RNF220: variants seen among roughly 807,000 people sequenced by gnomAD.
The protein encoded by RNF220 is ring finger protein 220, also known as E3 ubiquitin-protein ligase RNF220.
Under a neutral mutation model 67.1 loss-of-function variants are expected in RNF220, and 7 were observed. That is an observed-to-expected ratio of 0.10 (90% CI 0.06 to 0.20). RNF220 has a LOEUF of 0.20. Ranked by LOEUF, RNF220 falls within the 10% of genes least tolerant of loss-of-function variation. RNF220 has a pLI of 1.00. For missense variants in RNF220, 565 were observed against 740.3 expected, an observed-to-expected ratio of 0.76 and a Z score of 2.75; for synonymous variants, 270 against 283.2, an observed-to-expected ratio of 0.95 and a Z score of 0.47.
intron 2 of RNF220, among the ~76,000 whole-genome samples, chr1:44,451,199 A>AC (rs1379037399): frequency 6.6e-6 from 1 of 152,156 alleles, no homozygotes; most frequent in East Asian, 1.9e-4. Flanking sequence ...AAAAAGAAAA[A>AC]AAAAAAAAAG....
At chr1:44,431,957 T>C (rs1356030842) in intron 2 of RNF220, among the ~76,000 whole-genome samples, 1 of 152,234 alleles carries the variant, frequency 6.6e-6, no homozygotes, top group Non-Finnish European at 1.5e-5. Flanking sequence ...AAGGGAGATC[T>C]CTGGGTCCTG....
intron 2 of RNF220, among the ~76,000 whole-genome samples, chr1:44,571,079 A>AG (rs1558054160): frequency 6.6e-6 from 1 of 151,710 alleles, no homozygotes; most frequent in African/African-American, 2.4e-5. Context: ...ATCTGAAGAA[A>AG]AAAAAAAAAG....
At chr1:44,637,191 C>T (rs1418840885) in intron 8 of RNF220, among the ~76,000 whole-genome samples, 2 of 152,220 alleles carry the variant, frequency 1.3e-5, no homozygotes, top group Non-Finnish European at 2.9e-5. Flanking sequence ...GGAGTGGTCT[C>T]TGCAGGGCCG....
chr1:44,551,591 A>G (rs1473843143), intron 2 of RNF220, among the ~76,000 whole-genome samples: 1 of 152,154 alleles, frequency 6.6e-6, no homozygotes, highest in African/African-American at 2.4e-5. Context: ...CCAATTCACA[A>G]TCTCATCATC....
chr1:44,531,171 T>G (rs1270793145), intron 2 of RNF220, among the ~76,000 whole-genome samples: 1 of 152,144 alleles, frequency 6.6e-6, no homozygotes, highest in Non-Finnish European at 1.5e-5. Context: ...TCTTTGTAGA[T>G]TCCTCCCTTG....
chr1:44,471,562 G>A (rs1654810085), intron 2 of RNF220, among the ~76,000 whole-genome samples: 2 of 151,986 alleles, frequency 1.3e-5, no homozygotes, highest in South Asian at 4.1e-4. Context: ...AGTGGCTCAT[G>A]CCTGTAATCC....
intron 2 of RNF220, among the ~76,000 whole-genome samples, chr1:44,590,039 G>A (rs1000393918): frequency 6.6e-6 from 1 of 152,210 alleles, no homozygotes. Context: ...AGCCAGATAT[G>A]GGGATGGACA....
chr1:44,493,403 A>G (rs1261756326), intron 2 of RNF220, among the ~76,000 whole-genome samples: 1 of 151,936 alleles, frequency 6.6e-6, no homozygotes, highest in Non-Finnish European at 1.5e-5. Context: ...AATCCCAGCT[A>G]CTCGGGAGGT....
intron 2 of RNF220, among the ~76,000 whole-genome samples, chr1:44,503,500 C>G (rs776684669): frequency 1.3e-5 from 2 of 152,236 alleles, no homozygotes; most frequent in South Asian, 4.1e-4. Context: ...GACCTCCATG[C>G]CCACACTGCC....
chr1:44,631,889 T>C, intron 5 of RNF220: 1 of 985,846 alleles, frequency 1.0e-6, no homozygotes, highest in Non-Finnish European at 1.2e-6. Context: ...AAACGGCAGC[T>C]TCCTGGTCTC....
intron 2 of RNF220, among the ~76,000 whole-genome samples, chr1:44,555,968 A>T (rs768022880): frequency 5.3e-5 from 8 of 149,810 alleles, no homozygotes; most frequent in Non-Finnish European, 8.8e-5. Context: ...CCCAGAATGT[A>T]TTTCTATCAC....
intron 4 of RNF220, among the ~76,000 whole-genome samples, chr1:44,625,404 C>T (rs1315775766): frequency 6.6e-6 from 1 of 152,234 alleles, no homozygotes; most frequent in Non-Finnish European, 1.5e-5. Flanking sequence ...GCATGCGGGT[C>T]ACATCCTAAG....
intron 2 of RNF220, among the ~76,000 whole-genome samples, chr1:44,434,664 C>G (rs894294763): frequency 6.7e-5 from 10 of 149,884 alleles, no homozygotes; most frequent in Non-Finnish European, 1.2e-4. Context: ...TTGCAGTGAG[C>G]AGAGATCACA....
intron 2 of RNF220, among the ~76,000 whole-genome samples, chr1:44,470,767 C>T (rs1368612900): frequency 6.6e-6 from 1 of 152,212 alleles, no homozygotes; most frequent in African/African-American, 2.4e-5. Context: ...CCTTTTGGCT[C>T]TCTCATTTCC....
At chr1:44,459,503 A>G (rs1653549479) in intron 2 of RNF220, among the ~76,000 whole-genome samples, 1 of 149,924 alleles carries the variant, frequency 6.7e-6, no homozygotes, top group Admixed American at 6.6e-5. Context: ...TGTAGCTTCC[A>G]GGTAAAAATG....
chr1:44,428,503 A>G, intron 2 of RNF220, among the ~76,000 whole-genome samples: 1 of 152,086 alleles, frequency 6.6e-6, no homozygotes, highest in South Asian at 2.1e-4. Flanking sequence ...AGCTCATCAC[A>G]TTTGTACATT....
chr1:44,465,567 G>A (rs10890303), intron 2 of RNF220, among the ~76,000 whole-genome samples: 59,866 of 151,324 alleles, frequency 0.4, 12,887 homozygotes, highest in Admixed American at 0.55. Context: ...ACCACACCTG[G>A]CTGCAATATG....
At chr1:44,584,844 G>A (rs1229194305) in intron 2 of RNF220, among the ~76,000 whole-genome samples, 1 of 152,188 alleles carries the variant, frequency 6.6e-6, no homozygotes, top group East Asian at 1.9e-4. Context: ...GATTGCAGGT[G>A]CCTGCCGCCA....
chr1:44,648,523 C>T (rs1467031116), intron 12 of RNF220: 1 of 152,192 alleles, frequency 6.6e-6, no homozygotes, highest in Non-Finnish European at 1.5e-5. Context: ...TGGGAAGGTT[C>T]CTTGAGAGAG....
Sources: allele counts gnomAD v4.1 joint callset (sites outside exome capture counted in the v4.1 genomes callset), GRCh38; gene constraint gnomAD v4.1.1; transcripts MANE v1.5; gene names NCBI Gene and HGNC (gene_info 2026-07-23, HGNC 2026-07-21).